Variants in CSMD2 observed in about 807,000 individuals in gnomAD.
CSMD2 encodes CUB and Sushi multiple domains 2, also known as CUB and sushi domain-containing protein 2.
CSMD2 carries 130 observed loss-of-function variants against 398.5 expected under a neutral mutation model. The observed-to-expected ratio is 0.33, with a 90% CI of 0.28 to 0.38. CSMD2 has a LOEUF of 0.38. Among genes scored for constraint, CSMD2 ranks in the 10% least tolerant of loss-of-function variants. The probability of loss-of-function intolerance (pLI) is 1.00; values close to 1 mark genes in which losing one functional copy is unlikely to be tolerated. For synonymous variants in CSMD2, 1,828 were observed against 1,908.5 expected (o/e 0.96, Z 1.10); for missense variants, 3,829 against 4,764.9 (o/e 0.80, Z 5.78).
At chr1:33,856,914 C>T (rs563999049) in intron 5 of CSMD2, among the ~76,000 whole-genome samples, 6 of 151,864 alleles carry the variant, frequency 4.0e-5, no homozygotes, top group Middle Eastern at 6.8e-3. Flanking sequence ...TTGTGAGTGA[C>T]GCTCACAAAG....
intron 24 of CSMD2, 141 bp from the exon 25 acceptor site, chr1:33,693,197 G>T: frequency 1.0e-6 from 1 of 983,776 alleles, no homozygotes; most frequent in African/African-American, 1.7e-5. Context: ...CATATTAAAA[G>T]GTCTCTGGAT....
chr1:33,933,587 G>T (rs1021990566), intron 4 of CSMD2, among the ~76,000 whole-genome samples: 1 of 152,122 alleles, frequency 6.6e-6, no homozygotes, highest in Non-Finnish European at 1.5e-5. Flanking sequence ...ACCCTCCTTG[G>T]AAGATCAGAA....
At chr1:33,792,020 A>G (rs1654377407) in intron 11 of CSMD2, among the ~76,000 whole-genome samples, 1 of 152,154 alleles carries the variant, frequency 6.6e-6, no homozygotes, top group South Asian at 2.1e-4. Flanking sequence ...GCATGCAGAA[A>G]GGTTAGCAAC....
chr1:33,604,155 C>T (rs966725379), intron 42 of CSMD2, among the ~76,000 whole-genome samples: 2 of 152,338 alleles, frequency 1.3e-5, no homozygotes, highest in East Asian at 3.9e-4. Flanking sequence ...AAGCGCTGCT[C>T]TTTTCTCTCT....
chr1:33,887,527 T>A (rs1641685196), intron 5 of CSMD2, among the ~76,000 whole-genome samples: 1 of 152,204 alleles, frequency 6.6e-6, no homozygotes, highest in Non-Finnish European at 1.5e-5. Flanking sequence ...CCAACCTCTA[T>A]CAGCTCCTTC....
intron 2 of CSMD2, among the ~76,000 whole-genome samples, chr1:34,061,023 C>A (rs1304479226): frequency 1.3e-5 from 2 of 152,122 alleles, no homozygotes; most frequent in Non-Finnish European, 2.9e-5. Flanking sequence ...GTGGAAGAGT[C>A]TTTGGCACAA....
Position 33,663,126 on chromosome 1 carries a change from C to T in CSMD2, c.4053-34G>A, listed in dbSNP as rs754706270. The stretch of plus-strand genomic sequence containing the variant: ...AGAGAAGAGGCAGTGGTCATCTGGA[C>T]TCAGCCCTTCTTTCCAGGGGCTTCT... On this transcript the variant is annotated intron_variant, in intron 25 of 70. Transcript: ENST00000373381. The T allele has an allele frequency of 1.0e-4, 159 of 1,580,230 alleles. 1 individual carries two copies. Among genetic ancestry groups the T allele is most frequent in the Non-Finnish European group, 6.1e-6 (7 of 1,150,490 alleles).
At chr1:33,572,383 A>G in intron 50 of CSMD2, 123 bp downstream of exon 50, 1 of 854,240 alleles carries the variant, frequency 1.2e-6, no homozygotes, top group Non-Finnish European at 1.7e-6. Context: ...TCCAACCTCC[A>G]TGTCCATGTT....
chr1:33,561,391 A>G (rs1658528692), intron 53 of CSMD2, among the ~76,000 whole-genome samples: 1 of 152,146 alleles, frequency 6.6e-6, no homozygotes, highest in Non-Finnish European at 1.5e-5. Flanking sequence ...AGGATAATTC[A>G]CTTTGAGCCT....
Position 33,679,120 on chromosome 1 carries a change from T to A in CSMD2, c.4052+13810A>T, listed in dbSNP as rs547555521. Among the ~76,000 whole-genome samples, 4 of 152,076 alleles carry A rather than the reference T, an allele frequency of 2.6e-5. No individual in the cohort carries two copies. The South Asian group carries it at 6.2e-4, about 24-fold the overall frequency. ...AGGGATTCTGTGAGGGGCCAATGTA[T>A]CTTTGTCCTTGGAAGAAATGTTTCC... is the stretch of plus-strand genomic sequence containing the variant. On this transcript the variant is annotated intron_variant, in intron 25 of 70. Coordinates refer to ENST00000373381, the MANE Select transcript of CSMD2 (RefSeq NM_001281956.2).
chr1:33,724,114 C>T, intron 19 of CSMD2, 83 bp downstream of exon 19: 2 of 899,962 alleles, frequency 2.2e-6, no homozygotes, highest in Non-Finnish European at 3.7e-6. Flanking sequence ...TAGGGAGATC[C>T]CCATTGAGGT....
At chr1:33,856,551 G>A (rs892297960) in intron 5 of CSMD2, among the ~76,000 whole-genome samples, 1 of 152,028 alleles carries the variant, frequency 6.6e-6, no homozygotes, top group African/African-American at 2.4e-5. Context: ...TCACCCAGAG[G>A]GACTGTTGTA....
At chr1:33,790,448 G>T (rs1654091926) in intron 11 of CSMD2, among the ~76,000 whole-genome samples, 2 of 152,146 alleles carry the variant, frequency 1.3e-5, no homozygotes, top group African/African-American at 2.4e-5. Context: ...TTTAAACTGA[G>T]ACATCAGCTC....
Position 33,875,075 on chromosome 1 carries a change from AG to A in CSMD2, c.921-28080del, listed in dbSNP as rs202222735. On this transcript the variant is annotated intron_variant, in intron 5 of 70. Transcript: ENST00000373381. Reference sequence around the variant, plus strand: ...CTGATCATCAGTCCACTGCTCATCTAGCCCCCACTCCCACCCCTCTATGCTG... The same window carrying A: ...CTGATCATCAGTCCACTGCTCATCTACCCCCACTCCCACCCCTCTATGCTG... Among the ~76,000 whole-genome samples the A allele has an allele frequency of 1.1e-3, 164 of 152,280 alleles. 1 individual carries two copies. In the East Asian group the frequency reaches 0.025, roughly 23 times the overall value.
At chr1:33,568,674 A>C (rs1467254866) in intron 52 of CSMD2, among the ~76,000 whole-genome samples, 1 of 152,122 alleles carries the variant, frequency 6.6e-6, no homozygotes, top group Non-Finnish European at 1.5e-5. Context: ...TTTGGGTAGA[A>C]TATATTCCTG....
intron 12 of CSMD2, 31 bp downstream of exon 12, chr1:33,788,569 A>G (rs748479326): frequency 1.6e-6 from 2 of 1,217,486 alleles, no homozygotes; most frequent in Non-Finnish European, 1.2e-6. Flanking sequence ...CTCCCAGGAC[A>G]CAGTTCATCT....
intron 47 of CSMD2, 79 bp from the exon 48 acceptor site, chr1:33,580,978 G>T: frequency 1.4e-6 from 2 of 1,465,498 alleles, no homozygotes; most frequent in East Asian, 2.3e-5. Context: ...AGGGCTCAGA[G>T]GGTGGGGTGA....
At chr1:33,742,577 GCC>G (rs143715572) in intron 14 of CSMD2, among the ~76,000 whole-genome samples, 2,374 of 94,822 alleles carry the variant, frequency 0.025, 62 homozygotes, top group East Asian at 0.083. Context: ...CCAAGCTTCT[GCC>G]CCCCCCCCCC....
intron 1 of CSMD2, among the ~76,000 whole-genome samples, chr1:34,104,746 T>C (rs1168833479): frequency 1.3e-5 from 2 of 152,182 alleles, no homozygotes; most frequent in Non-Finnish European, 2.9e-5. Context: ...AGGGGCACCT[T>C]GTCCGCTGAT....
Sources: gnomAD v4.1 joint callset for allele counts (sites outside exome capture counted in the v4.1 genomes callset) on GRCh38, gnomAD v4.1.1 for gene constraint, MANE v1.5 for transcripts, NCBI Gene and HGNC (gene_info 2026-07-23, HGNC 2026-07-21) for gene names.